FKBP7: variants seen among roughly 807,000 people sequenced by gnomAD.
The protein encoded by FKBP7 is FKBP prolyl isomerase 7.
Under a neutral mutation model 24.3 loss-of-function variants are expected in FKBP7, and 24 were observed. The observed-to-expected ratio is 0.99, with a 90% CI of 0.72 to 1.39. The LOEUF is 1.39. Ranked by LOEUF, FKBP7 falls within the 40% of genes most tolerant of loss-of-function variation. The pLI is 0.00. For missense variants in FKBP7, 257 were observed against 269.5 expected (o/e 0.95, Z 0.33); for synonymous variants, 98 against 92.8 (o/e 1.06, Z -0.32).
intron 3 of FKBP7, among the ~76,000 whole-genome samples, chr2:178,469,039 A>G (rs1346234024): frequency 1.3e-5 from 2 of 151,718 alleles, no homozygotes; most frequent in Admixed American, 6.6e-5. Context: ...TGGCTAATTT[A>G]TTAAATCTTT....
rs756987060 is a variant in FKBP7 at position 178,477,210 on chromosome 2, C to T, written c.225G>A (p.Arg75=). 1.5e-5 allele frequency: 24 copies of T among 1,607,664 alleles called. No individual in the cohort carries two copies. The East Asian group carries it at 5.4e-4, about 36-fold the overall frequency. The part of the protein sequence containing the change: ...AKDGSKFYCS[R]TQNEGHPKWF... ...ATTTGGGGTGGCCTTCATTTTGTGTCCGGCTATAACAAAAAGCAATACTTA... is the reference window on the plus strand; with the variant it reads ...ATTTGGGGTGGCCTTCATTTTGTGTTCGGCTATAACAAAAAGCAATACTTA... The change falls in exon 2 of 4, where the codon CGG becomes CGA. Residue 75 remains arginine, a synonymous_variant. Transcript: ENST00000424785.
chr2:178,468,784 T>C (rs1156250185), intron 3 of FKBP7, among the ~76,000 whole-genome samples: 2 of 152,056 alleles, frequency 1.3e-5, no homozygotes, highest in Non-Finnish European at 2.9e-5. Context: ...TAAACTATCA[T>C]GAAGATTACA....
intron 2 of FKBP7, chr2:178,473,104 A>G (rs1684900045): frequency 7.7e-7 from 1 of 1,305,208 alleles, no homozygotes; most frequent in Non-Finnish European, 1.0e-6. Flanking sequence ...GACATGAGAC[A>G]AGGATATTTT....
chr2:178,469,213 T>C (rs1684774873), intron 3 of FKBP7, among the ~76,000 whole-genome samples: 1 of 152,192 alleles, frequency 6.6e-6, no homozygotes, highest in South Asian at 2.1e-4. Context: ...AAGGCTGAGA[T>C]ACAGACGCTA....
chr2:178,469,926 A>T, intron 2 of FKBP7, 141 bp from the exon 3 acceptor site: 1 of 619,132 alleles, frequency 1.6e-6, no homozygotes, highest in Non-Finnish European at 2.4e-6. Flanking sequence ...ATTTTTTCTC[A>T]TCTTTTATAA....
chr2:178,467,335 G>C (rs1684698308), intron 3 of FKBP7, among the ~76,000 whole-genome samples: 1 of 152,040 alleles, frequency 6.6e-6, no homozygotes, highest in Admixed American at 6.5e-5. Flanking sequence ...ATTAAAGAAA[G>C]TTTTTCTTTT....
At position 178,478,505 on chromosome 2, in the gene FKBP7, C is replaced by G. The variant is rs761877985; in HGVS notation, c.-6G>C. Reference sequence around the variant, plus strand: ...AAATGCATGGTTTTTGGCATCGGCTCCAGCAGAACACTGCTCTCCCTCCCG... The same window carrying G: ...AAATGCATGGTTTTTGGCATCGGCTGCAGCAGAACACTGCTCTCCCTCCCG... On this transcript the variant is annotated 5_prime_UTR_variant, in exon 1 of 4. Transcript: ENST00000424785. 1 of 1,613,824 alleles carries G rather than the reference C, an allele frequency of 6.2e-7. No individual in the cohort carries two copies. Among genetic ancestry groups the G allele is most frequent in the South Asian group, 1.1e-5 (1 of 91,068 alleles).
rs761140719 is a variant in FKBP7, at chr2:178,478,490, T to A, written c.10A>T (p.Thr4Ser). 10 of 1,613,458 alleles carry A rather than the reference T, an allele frequency of 6.2e-6. No individual in the cohort carries two copies. The African/African-American group carries it at 1.2e-4, about 19-fold the overall frequency. ...ATGAATCTGAATAAGAAATGCATGG[T>A]TTTTGGCATCGGCTCCAGCAGAACA... is the stretch of plus-strand genomic sequence containing the variant. Reference protein sequence around the residue: MPKTMHFLFRFIVF... With the variant: MPKSMHFLFRFIVF... Residue 4 changes from threonine (T) to serine (S), a missense_variant, in exon 1 of 4, where the codon ACC becomes TCC. Transcript: ENST00000424785.
At position 178,464,158 on chromosome 2, in the gene FKBP7, A is replaced by G. The variant is rs1284636247; in HGVS notation, c.*1612T>C. The G allele has an allele frequency of 1.3e-5, 2 of 152,156 alleles. No homozygotes were observed. The highest frequency in any genetic ancestry group is 1.3e-4 in the Admixed American group (2 of 15,276). The allele number at this position is 152,156 out of a possible 1,614,324, so 9.4% of individuals were successfully genotyped here. A position where few individuals can be genotyped will look rare whatever the true frequency, so the allele number is the denominator to read the frequency against. ...GTATGTACTCATCTGAAAGCCCTCT[A>G]TTTTTAAATAGAATTTTTGATAGTG... On this transcript the variant is annotated 3_prime_UTR_variant, in exon 4 of 4. Transcript: ENST00000424785.
chr2:178,478,437 A>G lies in FKBP7; in HGVS notation c.63T>C (p.Phe21=). The stretch of plus-strand genomic sequence containing the variant: ...CCTCTTTCTTTTGTCTCTGAGCAGT[A>G]AAAAGGCCCCACAGATAAAAGAAAA... The part of the protein sequence containing the change: ...FIVFFYLWGL[F]TAQRQKKEES... Residue 21 remains phenylalanine (F), a synonymous_variant, in exon 1 of 4, where the codon TTT becomes TTC. Coordinates refer to ENST00000424785, the MANE Select transcript of FKBP7 (RefSeq NM_181342.3). The G allele has an allele frequency of 6.2e-7, 1 of 1,614,198 alleles. No individual in the cohort carries two copies. The highest frequency in any genetic ancestry group is 8.5e-7 in the Non-Finnish European group (1 of 1,180,026).
intron 1 of FKBP7, among the ~76,000 whole-genome samples, chr2:178,477,510 A>G (rs1411578822): frequency 6.6e-6 from 1 of 152,174 alleles, no homozygotes; most frequent in Non-Finnish European, 1.5e-5. Flanking sequence ...CATGGCTTGT[A>G]CAAAGAACTC....
At position 178,464,183 on chromosome 2, in the gene FKBP7, G is replaced by A. The variant is rs912959484; in HGVS notation, c.*1587C>T. The A allele has an allele frequency of 2.6e-5, 4 of 152,196 alleles. No homozygotes were observed. The highest frequency in any genetic ancestry group is 9.6e-5 in the African/African-American group (4 of 41,452). The allele number at this position is 152,196 out of a possible 1,614,324, so 9.4% of individuals were successfully genotyped here. A position where few individuals can be genotyped will look rare whatever the true frequency, so the allele number is the denominator to read the frequency against. On this transcript the variant is annotated 3_prime_UTR_variant, in exon 4 of 4. Coordinates refer to ENST00000424785, the MANE Select transcript of FKBP7 (RefSeq NM_181342.3). ...ATTTTTAAATAGAATTTTTGATAGT[G>A]TAAAGAAGTTAAAGGATGAACAATG...
intron 3 of FKBP7, among the ~76,000 whole-genome samples, chr2:178,467,206 A>G (rs983004708): frequency 1.2e-4 from 19 of 152,378 alleles, no homozygotes; most frequent in African/African-American, 4.6e-4. Flanking sequence ...GTACAGAGGT[A>G]CAAAAAGACA....
In FKBP7 at chr2:178,474,114, C is replaced by G. The variant is rs140479717; in HGVS notation, c.373+2948G>C. Among the ~76,000 whole-genome samples the G allele has an allele frequency of 1.5e-3, 221 of 152,336 alleles. 5 individuals carry two copies. The South Asian group carries it at 0.022, about 15-fold the overall frequency. ...ACTAAGACAACTGCCTCAAAGAAGG[C>G]ATGCCACTTCCATGAAATATTTGGG... On this transcript the variant is annotated intron_variant, in intron 2 of 3. Coordinates refer to ENST00000424785, the MANE Select transcript of FKBP7 (RefSeq NM_181342.3).
chr2:178,478,430 G>C lies in FKBP7; in HGVS notation c.70C>G (p.Gln24Glu), dbSNP rs1394465336. The change falls in exon 1 of 4, where the codon CAG (glutamine) becomes GAG (glutamate). Residue 24 changes from glutamine to glutamate, a missense_variant. Physicochemically the swap from Gln to Glu is conservative, Grantham distance 29. Transcript: ENST00000424785. ...GTGCTCTCCTCTTTCTTTTGTCTCTGAGCAGTAAAAAGGCCCCACAGATAA... is the reference window on the plus strand; with the variant it reads ...GTGCTCTCCTCTTTCTTTTGTCTCTCAGCAGTAAAAAGGCCCCACAGATAA... ...FFYLWGLFTA[Q>E]RQKKEESTEE... The C allele has an allele frequency of 6.2e-7, 1 of 1,614,170 alleles. No individual in the cohort carries two copies. The highest frequency in any genetic ancestry group is 1.7e-5 in the Admixed American group (1 of 60,030).
chr2:178,477,225 A>C lies in FKBP7; in HGVS notation c.222-12T>G, dbSNP rs775339622. 1 of 1,605,922 alleles carries C rather than the reference A, an allele frequency of 6.2e-7. No individual in the cohort carries two copies. Among genetic ancestry groups the C allele is most frequent in the Non-Finnish European group, 8.5e-7 (1 of 1,178,236 alleles). ...CATTTTGTGTCCGGCTATAACAAAA[A>C]GCAATACTTAAGTAAACTGATTTCA... is the stretch of plus-strand genomic sequence containing the variant. On this transcript the variant is annotated splice_polypyrimidine_tract_variant and intron_variant, in intron 1 of 3. Transcript: ENST00000424785.
chr2:178,465,693 A>G lies in FKBP7; in HGVS notation c.*77T>C. ...TCATAGGGGAAAAATAGCAAATACA[A>G]CTTGGAGAAAAGTGACTTTGTTTTA... is the stretch of plus-strand genomic sequence containing the variant. On this transcript the variant is annotated 3_prime_UTR_variant, in exon 4 of 4. Coordinates refer to ENST00000424785, the MANE Select transcript of FKBP7 (RefSeq NM_181342.3). 1 of 1,331,344 alleles carries G rather than the reference A, an allele frequency of 7.5e-7. No homozygotes were observed. The highest frequency in any genetic ancestry group is 9.9e-7 in the Non-Finnish European group (1 of 1,008,726). 82.5% of individuals were successfully genotyped at this position (1,331,344 alleles called of 1,614,324 possible). A position where few individuals can be genotyped will look rare whatever the true frequency, so the allele number is the denominator to read the frequency against.
At chr2:178,467,793 T>C (rs1043732674) in intron 3 of FKBP7, 2 of 152,252 alleles carry the variant, frequency 1.3e-5, no homozygotes, top group South Asian at 4.1e-4. Flanking sequence ...GGAGTATTCA[T>C]ACTGCAGAAC....
chr2:178,473,853 A>T (rs1256066026), intron 2 of FKBP7, among the ~76,000 whole-genome samples: 1 of 152,214 alleles, frequency 6.6e-6, no homozygotes, highest in East Asian at 1.9e-4. Context: ...TCTTTCTCCT[A>T]GGTTCCTATA....
Sources: allele counts gnomAD v4.1 joint callset (sites outside exome capture counted in the v4.1 genomes callset), GRCh38; gene constraint gnomAD v4.1.1; transcripts MANE v1.5; gene names NCBI Gene and HGNC (gene_info 2026-07-23, HGNC 2026-07-21).